USP47: variants seen among roughly 807,000 people sequenced by gnomAD.
USP47 encodes the protein ubiquitin specific peptidase 47.
Under a neutral mutation model 165.1 loss-of-function variants are expected in USP47, and 35 were observed. The ratio of observed to expected loss-of-function variants is 0.21; its 90% CI spans 0.16 to 0.28. USP47 has a LOEUF of 0.28. USP47 is among the 10% of genes least tolerant of loss of function. USP47 has a pLI of 1.00. For missense variants in USP47, 1,277 were observed against 1,607.4 expected (o/e 0.79, Z 3.52); for synonymous variants, 531 against 544.5 (o/e 0.98, Z 0.35).
intron 8 of USP47, among the ~76,000 whole-genome samples, chr11:11,918,012 A>C (rs1318401659): frequency 6.6e-6 from 1 of 152,186 alleles, no homozygotes; most frequent in African/African-American, 2.4e-5. Context: ...ATCTCCTTAC[A>C]GATTGCTTAT....
Position 11,956,298 on chromosome 11 carries a change from G to T in USP47, c.*123G>T. The T allele has an allele frequency of 9.7e-7, 1 of 1,026,354 alleles. No homozygotes were observed. Among genetic ancestry groups the T allele is most frequent in the Non-Finnish European group, 1.4e-6 (1 of 692,168 alleles). The allele number at this position is 1,026,354 out of a possible 1,614,324, so 63.6% of individuals were successfully genotyped here. Reference sequence around the variant, plus strand: ...AACCCAGTGACACCAGCACTGATTGGACTGCCCTACACCAATCAGAAGCTC... The same window carrying T: ...AACCCAGTGACACCAGCACTGATTGTACTGCCCTACACCAATCAGAAGCTC... On this transcript the variant is annotated 3_prime_UTR_variant, in exon 28 of 28. Transcript: ENST00000527733.
At chr11:11,904,252 A>G (rs914853907) in intron 7 of USP47, among the ~76,000 whole-genome samples, 17 of 152,228 alleles carry the variant, frequency 1.1e-4, no homozygotes, top group African/African-American at 3.6e-4. Context: ...AGGCCGTCCT[A>G]GGTGAAGAAG....
chr11:11,950,640 A>T (rs943102471), intron 24 of USP47, among the ~76,000 whole-genome samples, 158 bp downstream of exon 24: 1 of 152,122 alleles, frequency 6.6e-6, no homozygotes, highest in Admixed American at 6.5e-5. Flanking sequence ...TTATGGATTG[A>T]TGTGATTCCT....
At chr11:11,849,321 C>T (rs540866459) in intron 1 of USP47, among the ~76,000 whole-genome samples, 8 of 152,264 alleles carry the variant, frequency 5.3e-5, no homozygotes, top group African/African-American at 1.9e-4. Context: ...TTAAATTAGC[C>T]AAGTGGTTAT....
intron 4 of USP47, among the ~76,000 whole-genome samples, chr11:11,893,613 G>A (rs112318361): frequency 7.2e-5 from 11 of 151,912 alleles, no homozygotes; most frequent in Admixed American, 6.6e-4. Context: ...TTAAATTTTT[G>A]TAGAGATGAG....
At chr11:11,936,566 G>A (rs981111598) in intron 17 of USP47, 56 bp downstream of exon 17, 4 of 1,107,812 alleles carry the variant, frequency 3.6e-6, no homozygotes, top group Non-Finnish European at 4.8e-6. Context: ...TCATGAGAAA[G>A]TTTTTTTTTT....
At chr11:11,884,148 A>C (rs190369265) in intron 2 of USP47, among the ~76,000 whole-genome samples, 1 of 152,282 alleles carries the variant, frequency 6.6e-6, no homozygotes, top group East Asian at 1.9e-4. Context: ...TATTGTATAG[A>C]ACATGGAAAG....
intron 3 of USP47, among the ~76,000 whole-genome samples, chr11:11,890,001 G>C (rs1851411356): frequency 6.6e-6 from 1 of 152,114 alleles, no homozygotes; most frequent in Non-Finnish European, 1.5e-5. Context: ...TGAGCCATAG[G>C]CAGGAAATTG....
At chr11:11,943,256 T>C (rs1855606975) in intron 20 of USP47, 144 bp downstream of exon 20, 1 of 896,580 alleles carries the variant, frequency 1.1e-6, no homozygotes, top group Non-Finnish European at 1.7e-6. Flanking sequence ...GCAGTTGTAA[T>C]GAACACTGTT....
intron 24 of USP47, chr11:11,952,298 T>A (rs1030159166): frequency 1.3e-5 from 2 of 152,138 alleles, no homozygotes; most frequent in African/African-American, 4.8e-5. Context: ...AGTGACATAA[T>A]GGAAAAGTGA....
intron 1 of USP47, among the ~76,000 whole-genome samples, chr11:11,871,797 G>A (rs60149707): frequency 0.014 from 2,184 of 152,132 alleles, 44 homozygotes; most frequent in African/African-American, 0.05. Context: ...GAGATTGCTG[G>A]ACTCCACCTG....
At chr11:11,922,233 T>A (rs1017355389) in intron 10 of USP47, among the ~76,000 whole-genome samples, 19 of 151,954 alleles carry the variant, frequency 1.3e-4, no homozygotes, top group Non-Finnish European at 2.2e-4. Flanking sequence ...GTAAAAAGAC[T>A]ATCAAGTTCT....
chr11:11,897,572 G>A (rs772625551), intron 4 of USP47, 25 bp from the exon 5 acceptor site: 6 of 1,477,636 alleles, frequency 4.1e-6, no homozygotes, highest in East Asian at 4.6e-5. Context: ...GCTGATTAAT[G>A]TACATTTGTA....
intron 1 of USP47, among the ~76,000 whole-genome samples, chr11:11,851,934 A>T (rs1032908504): frequency 6.6e-6 from 1 of 152,190 alleles, no homozygotes; most frequent in African/African-American, 2.4e-5. Context: ...GGGGGGCATG[A>T]TGCTGATACG....
intron 1 of USP47, among the ~76,000 whole-genome samples, chr11:11,860,281 G>A (rs1421065311): frequency 2.6e-5 from 4 of 151,664 alleles, no homozygotes; most frequent in African/African-American, 4.8e-5. Context: ...ACCACTGAGC[G>A]GAGGATATAT....
At chr11:11,858,457 C>T (rs1359446101) in intron 1 of USP47, among the ~76,000 whole-genome samples, 1 of 152,096 alleles carries the variant, frequency 6.6e-6, no homozygotes, top group African/African-American at 2.4e-5. Context: ...GACAAACATA[C>T]AGTTGTACAA....
rs1218317924 is a variant in USP47 at position 11,933,851 on chromosome 11, T to C, written c.1785T>C (p.His595=). Reference sequence around the variant, plus strand: ...TCTAGATAAAATTATTCTGTTTGCATCCTACAAAACAAGTAATGATGGAAA... The same window carrying C: ...TCTAGATAAAATTATTCTGTTTGCACCCTACAAAACAAGTAATGATGGAAA... ...NTCKIKLFCL[H]PTKQVMMENK... The change falls in exon 16 of 28, where the codon CAT becomes CAC. Residue 595 remains histidine (H), a synonymous_variant. Coordinates refer to ENST00000527733, the MANE Select transcript of USP47 (RefSeq NM_001282659.2). 6.2e-7 allele frequency: 1 copy of C among 1,608,100 alleles called. No individual in the cohort carries two copies. The highest frequency in any genetic ancestry group is 8.5e-7 in the Non-Finnish European group (1 of 1,175,746).
intron 1 of USP47, among the ~76,000 whole-genome samples, chr11:11,862,024 CTTTTT>C (rs35753812): frequency 1.4e-5 from 2 of 140,226 alleles, no homozygotes; most frequent in Non-Finnish European, 3.1e-5. Context: ...GGTACAAAGT[CTTTTT>C]TTTTTTTTTT....
In USP47 at chr11:11,936,468, A is replaced by T; in HGVS notation, c.2035A>T (p.Thr679Ser). The change falls in exon 17 of 28, where the codon ACG (threonine) becomes TCG (serine). Residue 679 changes from threonine (T) to serine (S), a missense_variant. This residue lies in a region of USP47 where 909 missense variants were observed against 1,068.1 expected (regional missense o/e 0.85). Coordinates refer to ENST00000527733, the MANE Select transcript of USP47 (RefSeq NM_001282659.2). ...ATATATGTTTGATCTGCTGTTGGAG[A>T]CGAGAAAGCCTGATCAGGTTTTCCA... ...STYMFDLLLETRKPDQVFQSY... is the reference protein window; with the variant it reads ...STYMFDLLLESRKPDQVFQSY... The T allele has an allele frequency of 2.5e-6, 4 of 1,600,764 alleles. No individual in the cohort carries two copies. The highest frequency in any genetic ancestry group is 3.4e-6 in the Non-Finnish European group (4 of 1,171,016).
Sources: gnomAD v4.1 joint callset for allele counts (sites outside exome capture counted in the v4.1 genomes callset) on GRCh38, gnomAD v4.1.1 for gene constraint, gnomAD v4.1.1 regional missense constraint, MANE v1.5 for transcripts, NCBI Gene and HGNC (gene_info 2026-07-23, HGNC 2026-07-21) for gene names.